The following COL4A6 variants were observed in gnomAD, a reference collection of about 807,000 sequenced individuals.
The protein encoded by COL4A6 is collagen type IV alpha 6 chain.
A neutral mutation model predicts 126.7 loss-of-function variants in COL4A6; 59 were observed. That is an observed-to-expected ratio of 0.47 (90% CI 0.38 to 0.58). The LOEUF is 0.58. Ranked by LOEUF, COL4A6 falls within the 20% of genes least tolerant of loss-of-function variation. The pLI is 0.00. For missense variants in COL4A6, 1,285 were observed against 1,337.3 expected (o/e 0.96, Z 0.61); for synonymous variants, 547 against 496.6 (o/e 1.10, Z -1.35).
intron 2 of COL4A6, among the ~76,000 whole-genome samples, chrX:108,338,677 A>G (rs772761768): frequency 2.9e-4 from 32 of 111,831 alleles, no homozygotes; most frequent in Non-Finnish European, 5.7e-4. Flanking sequence ...CTTCTGTAAT[A>G]TGCTGCTATT....
intron 2 of COL4A6, among the ~76,000 whole-genome samples, chrX:108,314,077 A>T (rs1427120403): frequency 2.7e-5 from 3 of 111,951 alleles, no homozygotes; most frequent in Non-Finnish European, 5.6e-5. Flanking sequence ...AATTATAAAC[A>T]GTTTTCATCT....
intron 31 of COL4A6, 48 bp from the exon 32 acceptor site, chrX:108,172,580 G>A (rs1234285325): frequency 1.9e-6 from 2 of 1,044,486 alleles, no homozygotes; most frequent in Non-Finnish European, 2.6e-6. Context: ...GCTCAGGACT[G>A]CCCACCCTCT....
At chrX:108,374,577 G>A (rs1294128422) in intron 2 of COL4A6, among the ~76,000 whole-genome samples, 1 of 111,932 alleles carries the variant, frequency 8.9e-6, no homozygotes, top group African/African-American at 3.2e-5. Context: ...TCTCAGGAGT[G>A]AGTAAATTCT....
At chrX:108,378,493 T>C (rs1042114565) in intron 2 of COL4A6, among the ~76,000 whole-genome samples, 2 of 112,283 alleles carry the variant, frequency 1.8e-5, no homozygotes, top group Admixed American at 1.9e-4. Flanking sequence ...TTAGAGGAAA[T>C]TTTAAGCTAT....
chrX:108,438,851 C>A (rs769117248), upstream of COL4A6, among the ~76,000 whole-genome samples: 1 of 112,236 alleles, frequency 8.9e-6, no homozygotes, highest in Non-Finnish European at 1.9e-5. Flanking sequence ...TGAAATAGAT[C>A]CAAAACCTTG....
intron 8 of COL4A6, 95 bp from the exon 9 acceptor site, chrX:108,206,675 C>A: frequency 2.7e-6 from 2 of 731,549 alleles, no homozygotes; most frequent in Non-Finnish European, 4.3e-6. Flanking sequence ...CAAGAATGTT[C>A]ATAGCAACTT....
intron 3 of COL4A6, among the ~76,000 whole-genome samples, chrX:108,304,915 G>A (rs905519794): frequency 6.2e-5 from 7 of 112,264 alleles, no homozygotes; most frequent in African/African-American, 2.3e-4. Context: ...CATCCTAACA[G>A]CTAATCCTGG....
At chrX:108,231,077 C>CTACATACATACA (rs112392457) in intron 3 of COL4A6, among the ~76,000 whole-genome samples, 23 of 105,861 alleles carry the variant, frequency 2.2e-4, no homozygotes, top group African/African-American at 6.3e-4. Context: ...CCCTTTCCAT[C>CTACATACATACA]TACATACATA....
At chrX:108,416,452 T>A (rs1603228259) in intron 2 of COL4A6, among the ~76,000 whole-genome samples, 1 of 112,203 alleles carries the variant, frequency 8.9e-6, no homozygotes, top group African/African-American at 3.2e-5. Context: ...TCAGCAAAAA[T>A]GTTTTTAAAA....
At chrX:108,305,426 A>G (rs1027818013) in intron 3 of COL4A6, among the ~76,000 whole-genome samples, 1 of 111,825 alleles carries the variant, frequency 8.9e-6, no homozygotes, top group Non-Finnish European at 1.9e-5. Context: ...AAAGGACTTT[A>G]TAGGTTTTCT....
intron 2 of COL4A6, among the ~76,000 whole-genome samples, chrX:108,340,540 A>C: frequency 9.0e-6 from 1 of 110,893 alleles, no homozygotes; most frequent in South Asian, 3.8e-4. Context: ...AGAAATGAAA[A>C]GATCACCAAA....
At chrX:108,180,472 T>A in intron 25 of COL4A6, 43 bp downstream of exon 25, 1 of 955,818 alleles carries the variant, frequency 1.0e-6, no homozygotes, top group Non-Finnish European at 1.5e-6. Context: ...CACACACACA[T>A]ACACACAAAG....
upstream of COL4A6, among the ~76,000 whole-genome samples, chrX:108,438,756 A>G (rs916231469): frequency 5.3e-5 from 6 of 112,966 alleles, no homozygotes; most frequent in African/African-American, 1.9e-4. Flanking sequence ...TTGATAGTAC[A>G]CTAGGCTATT....
chrX:108,438,171 G>T lies in COL4A6; in HGVS notation c.11+15C>A, dbSNP rs2064307042. 8.3e-7 allele frequency: 1 copy of T among 1,204,778 alleles called. No individual in the cohort carries two copies. The highest frequency in any genetic ancestry group is 1.1e-6 in the Non-Finnish European group (1 of 892,833). ...GTAAGAAAGAGGAGGGGAGCTCGGG[G>T]CAGCAACAGCTCACCCAGGGTGCAT... is the stretch of plus-strand genomic sequence containing the variant. On this transcript the variant is annotated intron_variant, in intron 1 of 44. Transcript: ENST00000334504.
intron 23 of COL4A6, among the ~76,000 whole-genome samples, chrX:108,184,285 T>G (rs1257005851): frequency 1.8e-5 from 2 of 112,644 alleles, no homozygotes; most frequent in Non-Finnish European, 3.7e-5. Flanking sequence ...AAGCTAATGC[T>G]CTTTATTAAA....
At position 108,161,599 on chromosome X, in the gene COL4A6, C is replaced by CG; in HGVS notation, c.4333+19_4333+20insC. 1.1e-6 allele frequency: 1 copy of CG among 887,946 alleles called. No individual in the cohort carries two copies. Among genetic ancestry groups the CG allele is most frequent in the Non-Finnish European group, 1.6e-6 (1 of 642,129 alleles). 73.2% of individuals were successfully genotyped at this position (887,946 alleles called of 1,213,427 possible). A position where few individuals can be genotyped will look rare whatever the true frequency, so the allele number is the denominator to read the frequency against. ...CCACCATCCCCGCCCCGCCCGCCTC[C>CG]TAATGTGGCATCATCAGACCTTCAA... On this transcript the variant is annotated intron_variant, in intron 42 of 44. Coordinates refer to ENST00000334504, the MANE Select transcript of COL4A6 (RefSeq NM_033641.4).
Position 108,156,708 on chromosome X carries a change from TGTG to T in COL4A6, c.*289_*291del. 1 of 374,734 alleles carries T rather than the reference TGTG, an allele frequency of 2.7e-6. No individual in the cohort carries two copies. Among genetic ancestry groups the T allele is most frequent in the East Asian group, 4.4e-5 (1 of 22,891 alleles). 30.9% of individuals were successfully genotyped at this position (374,734 alleles called of 1,213,427 possible). On this transcript the variant is annotated 3_prime_UTR_variant, in exon 45 of 45. Transcript: ENST00000334504. ...GAGAAAGCTAGCAGTCTAAGACAGT[TGTG>T]GCCCATCAAATCTTTCTGAGGTAGC...
intron 2 of COL4A6, among the ~76,000 whole-genome samples, chrX:108,385,957 G>A (rs2148150608): frequency 9.1e-6 from 1 of 109,999 alleles, no homozygotes; most frequent in South Asian, 4.1e-4. Context: ...TTATGAGTGA[G>A]AACATGCAGT....
intron 2 of COL4A6, among the ~76,000 whole-genome samples, chrX:108,416,782 C>G (rs1158010947): frequency 8.9e-6 from 1 of 111,844 alleles, no homozygotes; most frequent in Non-Finnish European, 1.9e-5. Context: ...TTTTTAAGTG[C>G]CTATGGTGTG....
Sources: gnomAD v4.1 joint callset for allele counts (sites outside exome capture counted in the v4.1 genomes callset) on GRCh38, gnomAD v4.1.1 for gene constraint, MANE v1.5 for transcripts, NCBI Gene and HGNC (gene_info 2026-07-23, HGNC 2026-07-21) for gene names.